The following PASD1 variants were observed in gnomAD, a reference collection of about 807,000 sequenced individuals.
PASD1 encodes the protein circadian clock protein PASD1.
PASD1 carries 13 observed loss-of-function variants against 58.8 expected under a neutral mutation model. The ratio of observed to expected loss-of-function variants is 0.22; its 90% CI spans 0.14 to 0.35. The LOEUF is 0.35. Ranked by LOEUF, PASD1 falls within the 10% of genes least tolerant of loss-of-function variation. The probability of loss-of-function intolerance (pLI) is 1.00; values close to 1 mark genes in which losing one functional copy is unlikely to be tolerated. For missense variants in PASD1, 734 were observed against 568.3 expected (o/e 1.29, Z -2.96); for synonymous variants, 236 against 216.7 (o/e 1.09, Z -0.78).
chrX:151,628,969 A>C (rs1461157299), intron 8 of PASD1, among the ~76,000 whole-genome samples: 5 of 111,520 alleles, frequency 4.5e-5, no homozygotes, highest in Admixed American at 2.8e-4. Context: ...AATGAGAGTT[A>C]ACTCATGATT....
At chrX:151,630,311 C>T (rs1187980098) in intron 8 of PASD1, among the ~76,000 whole-genome samples, 1 of 111,836 alleles carries the variant, frequency 8.9e-6, no homozygotes, top group East Asian at 2.8e-4. Context: ...AACCTGAACT[C>T]TGTAAGGCAG....
At chrX:151,599,361 C>T (rs74905707) in intron 1 of PASD1, among the ~76,000 whole-genome samples, 5 of 112,924 alleles carry the variant, frequency 4.4e-5, no homozygotes, top group African/African-American at 1.6e-4. Flanking sequence ...GGGCAGCGGC[C>T]GGGCAGAGGG....
At chrX:151,566,450 G>C (rs1240581117) in intron 1 of PASD1, among the ~76,000 whole-genome samples, 1 of 111,659 alleles carries the variant, frequency 9.0e-6, no homozygotes, top group Non-Finnish European at 1.9e-5. Flanking sequence ...GAGCAAAAAT[G>C]CCTAGCATTT....
intron 1 of PASD1, among the ~76,000 whole-genome samples, chrX:151,568,867 C>T (rs1050862701): frequency 3.6e-5 from 4 of 111,212 alleles, no homozygotes; most frequent in Non-Finnish European, 3.8e-5. Context: ...CTTCTCCATC[C>T]GTGTGGTATC....
intron 8 of PASD1, among the ~76,000 whole-genome samples, chrX:151,636,361 TA>T (rs904039218): frequency 8.9e-6 from 1 of 112,222 alleles, no homozygotes; most frequent in African/African-American, 3.2e-5. Context: ...GAACGTTCTT[TA>T]AAAAAAGTCT....
chrX:151,634,008 G>C (rs1322691048), intron 8 of PASD1, among the ~76,000 whole-genome samples: 1 of 112,043 alleles, frequency 8.9e-6, no homozygotes, highest in East Asian at 2.8e-4. Flanking sequence ...TGTGGAATGG[G>C]ATTCATCCAG....
At chrX:151,574,499 A>G (rs534576805) in intron 1 of PASD1, among the ~76,000 whole-genome samples, 1 of 112,143 alleles carries the variant, frequency 8.9e-6, no homozygotes, top group Non-Finnish European at 1.9e-5. Context: ...AAGCTGAGGA[A>G]AACATTTGTG....
At chrX:151,568,724 C>T (rs1392974954) in intron 1 of PASD1, among the ~76,000 whole-genome samples, 1 of 111,869 alleles carries the variant, frequency 8.9e-6, no homozygotes, top group Non-Finnish European at 1.9e-5. Flanking sequence ...GTGTTGAACT[C>T]CTAGTGTGTC....
At chrX:151,667,657 T>TCAG (rs2014402024) in intron 11 of PASD1, among the ~76,000 whole-genome samples, 2 of 112,207 alleles carry the variant, frequency 1.8e-5, no homozygotes, top group African/African-American at 6.5e-5. Flanking sequence ...CCGTTTCTTG[T>TCAG]TTTTGTCAGA....
intron 11 of PASD1, among the ~76,000 whole-genome samples, chrX:151,669,401 G>T (rs2014434437): frequency 9.1e-6 from 1 of 110,316 alleles, no homozygotes; most frequent in African/African-American, 3.3e-5. Flanking sequence ...TTTTCTTTGT[G>T]TTGGGAGCAT....
rs142569446 is a variant in PASD1 at position 151,625,871 on chromosome X, C to T, written c.629+341C>T. ...CTGATGTGGGAGGATCAGTTGAGCCCGGGATATCAAGTCTGCAGTGAGCAG... is the reference window on the plus strand; with the variant it reads ...CTGATGTGGGAGGATCAGTTGAGCCTGGGATATCAAGTCTGCAGTGAGCAG... On this transcript the variant is annotated intron_variant, in intron 8 of 15. Coordinates refer to ENST00000370357, the MANE Select transcript of PASD1 (RefSeq NM_173493.3). Among the ~76,000 whole-genome samples the T allele has an allele frequency of 5.4e-3, 602 of 111,126 alleles. 4 individuals carry two copies. The highest frequency in any genetic ancestry group is 0.019 in the African/African-American group (572 of 30,543).
chrX:151,625,825 T>C (rs1029941827), intron 8 of PASD1, among the ~76,000 whole-genome samples: 7 of 110,917 alleles, frequency 6.3e-5, no homozygotes, highest in Non-Finnish European at 1.3e-4. Flanking sequence ...CATGTGCTTG[T>C]AGTCCTAGCT....
chrX:151,668,754 T>G (rs4828634), intron 11 of PASD1, among the ~76,000 whole-genome samples: 36,276 of 108,480 alleles, frequency 0.33, 5,072 homozygotes, highest in East Asian at 0.94. Context: ...ACCAGATGGA[T>G]TCACAGCTGA....
At chrX:151,615,318 C>CA (rs2013624519) in intron 4 of PASD1, among the ~76,000 whole-genome samples, 1 of 111,321 alleles carries the variant, frequency 9.0e-6, no homozygotes, top group African/African-American at 3.3e-5. Context: ...ACACGCCCCC[C>CA]AAAACCACAA....
At chrX:151,598,488 C>G (rs113718227) in intron 1 of PASD1, among the ~76,000 whole-genome samples, 3,829 of 110,987 alleles carry the variant, frequency 0.034, 122 homozygotes, top group African/African-American at 0.095. Context: ...TACTGCTCAT[C>G]TCCCCTTGCT....
At chrX:151,640,062 A>G (rs1018616257) in intron 8 of PASD1, among the ~76,000 whole-genome samples, 1 of 112,060 alleles carries the variant, frequency 8.9e-6, no homozygotes, top group Admixed American at 9.5e-5. Context: ...TAATAGTCCT[A>G]TAAAAGTGAC....
intron 10 of PASD1, among the ~76,000 whole-genome samples, chrX:151,662,594 C>A (rs1371754482): frequency 9.0e-6 from 1 of 111,042 alleles, no homozygotes; most frequent in East Asian, 2.8e-4. Context: ...CAACCATATA[C>A]AACCATCTGT....
At chrX:151,675,248 A>G (rs775480907) in intron 15 of PASD1, among the ~76,000 whole-genome samples, 1 of 111,664 alleles carries the variant, frequency 9.0e-6, no homozygotes, top group East Asian at 2.9e-4. Context: ...CCTGTCCACA[A>G]AACCTCAGGG....
chrX:151,600,853 CCTTA>C (rs2013405883), intron 1 of PASD1, among the ~76,000 whole-genome samples: 1 of 111,579 alleles, frequency 9.0e-6, no homozygotes, highest in Non-Finnish European at 1.9e-5. Flanking sequence ...CTGAACTTTC[CCTTA>C]CTTAGAGAAC....
Sources: gnomAD v4.1 joint callset for allele counts (sites outside exome capture counted in the v4.1 genomes callset) on GRCh38, gnomAD v4.1.1 for gene constraint, MANE v1.5 for transcripts, NCBI Gene and HGNC (gene_info 2026-07-23, HGNC 2026-07-21) for gene names.